Variants in KLHL18 observed in about 807,000 individuals in gnomAD.
KLHL18 encodes kelch like family member 18, also known as kelch-like protein 18.
In KLHL18, 38 loss-of-function variants were observed where a neutral mutation model predicts 58.5. The observed-to-expected ratio is 0.65, with a 90% CI of 0.50 to 0.85. KLHL18 has a LOEUF of 0.85. KLHL18 is among the 40% of genes least tolerant of loss of function. The pLI is 0.00. For synonymous variants in KLHL18, 303 were observed against 301.9 expected, an observed-to-expected ratio of 1.00 and a Z score of -0.04; for missense variants, 624 against 778.4, an observed-to-expected ratio of 0.80 and a Z score of 2.36.
chr3:47,289,607 G>C (rs1702748462), intron 1 of KLHL18, among the ~76,000 whole-genome samples: 1 of 152,128 alleles, frequency 6.6e-6, no homozygotes, highest in African/African-American at 2.4e-5. Context: ...TAATTATAGA[G>C]CTAGAATAAT....
rs9836294 is a variant in KLHL18 at position 47,320,591 on chromosome 3, G to A, written c.260+808G>A. On this transcript the variant is annotated intron_variant, in intron 2 of 9. Coordinates refer to ENST00000232766, the MANE Select transcript of KLHL18 (RefSeq NM_025010.5). ...TAGATGATCAAAGTGCCCCAATACC[G>A]GAAGAGGATTTATATACCCATGGCA... 4.7e-3 allele frequency among the ~76,000 whole-genome samples: 713 copies of A among 152,186 alleles called. 7 individuals are homozygous for A. The highest frequency in any genetic ancestry group is 0.016 in the African/African-American group (647 of 41,492).
chr3:47,303,907 T>TG (rs1703079987), intron 1 of KLHL18, among the ~76,000 whole-genome samples: 1 of 151,798 alleles, frequency 6.6e-6, no homozygotes, highest in Admixed American at 6.6e-5. Context: ...TTTTTTTTTT[T>TG]TACAGAGATG....
At chr3:47,314,600 T>G (rs1703379281) in intron 1 of KLHL18, among the ~76,000 whole-genome samples, 1 of 152,174 alleles carries the variant, frequency 6.6e-6, no homozygotes, top group Admixed American at 6.5e-5. Context: ...CCCTGAGAGC[T>G]CGGATTACAG....
intron 1 of KLHL18, among the ~76,000 whole-genome samples, chr3:47,294,629 G>A (rs1702857711): frequency 6.6e-6 from 1 of 151,434 alleles, no homozygotes; most frequent in Non-Finnish European, 1.5e-5. Flanking sequence ...GGAAGGACAC[G>A]AGGTCAGAGA....
intron 3 of KLHL18, among the ~76,000 whole-genome samples, chr3:47,327,819 G>A (rs1703760927): frequency 6.6e-6 from 1 of 152,206 alleles, no homozygotes; most frequent in African/African-American, 2.4e-5. Flanking sequence ...TCCTTGATGG[G>A]TCAACTGCTA....
intron 3 of KLHL18, among the ~76,000 whole-genome samples, chr3:47,327,055 A>G (rs1044576287): frequency 6.6e-6 from 1 of 152,066 alleles, no homozygotes; most frequent in Non-Finnish European, 1.5e-5. Context: ...CCTGGCCAAC[A>G]TGGTGAAATG....
chr3:47,309,967 G>A (rs1221330345), intron 1 of KLHL18, among the ~76,000 whole-genome samples: 1 of 150,416 alleles, frequency 6.6e-6, no homozygotes, highest in Admixed American at 6.6e-5. Context: ...CTCGGCATCA[G>A]AGGGAGACCG....
In KLHL18 at chr3:47,322,727, C is replaced by A; in HGVS notation, c.401+19C>A. 6.5e-7 allele frequency: 1 copy of A among 1,542,536 alleles called. No homozygotes were observed. The highest frequency in any genetic ancestry group is 1.2e-5 in the South Asian group (1 of 80,028). ...GAGAACGGTGAGGTGATGTGGTGGG[C>A]CTGGTGGAGAACATGACTATTTCAT... On this transcript the variant is annotated intron_variant, in intron 3 of 9. Coordinates refer to ENST00000232766, the MANE Select transcript of KLHL18 (RefSeq NM_025010.5).
chr3:47,340,671 G>A lies in KLHL18; in HGVS notation c.1221G>A (p.Thr407=), dbSNP rs138603242. Residue 407 remains threonine (T), a synonymous_variant, in exon 8 of 10, where the codon ACG becomes ACA. Coordinates refer to ENST00000232766, the MANE Select transcript of KLHL18 (RefSeq NM_025010.5). ...CCGTGGAGACCTACTCACCTGAGACGGACAAGTAAGGACTCCAGCTCCCTT... is the reference window on the plus strand; with the variant it reads ...CCGTGGAGACCTACTCACCTGAGACAGACAAGTAAGGACTCCAGCTCCCTT... The part of the protein sequence containing the change: ...LSSVETYSPE[T]DKWTVVTSMS... The A allele has an allele frequency of 5.1e-4, 815 of 1,613,862 alleles. 4 individuals carry two copies. The East Asian group carries it at 0.016, about 33-fold the overall frequency.
intron 8 of KLHL18, 147 bp from the exon 9 acceptor site, chr3:47,342,572 A>G: frequency 1.5e-6 from 1 of 646,120 alleles, no homozygotes; most frequent in Non-Finnish European, 2.7e-6. Context: ...GGCGGCAGCC[A>G]GGGAGAACTG....
At chr3:47,332,841 G>A (rs1225741101) in intron 4 of KLHL18, among the ~76,000 whole-genome samples, 1 of 152,084 alleles carries the variant, frequency 6.6e-6, no homozygotes, top group Non-Finnish European at 1.5e-5. Context: ...TACAGAGAGG[G>A]TGATGGAGGG....
At position 47,340,558 on chromosome 3, in the gene KLHL18, T is replaced by G; in HGVS notation, c.1122-14T>G. 1.2e-6 allele frequency: 2 copies of G among 1,613,974 alleles called. No homozygotes were observed. Among genetic ancestry groups the G allele is most frequent in the South Asian group, 2.2e-5 (2 of 91,068 alleles). On this transcript the variant is annotated splice_polypyrimidine_tract_variant and intron_variant, in intron 7 of 9. Transcript: ENST00000232766. ...GCTGCGGCTCATCTGGGATGACAGC[T>G]CTGTCTGTTTCAGTGCCATGGGGAC...
At chr3:47,328,939 G>A (rs1212705450) in intron 3 of KLHL18, among the ~76,000 whole-genome samples, 1 of 151,876 alleles carries the variant, frequency 6.6e-6, no homozygotes, top group Admixed American at 6.6e-5. Context: ...AAACCTGCCT[G>A]GACAACATGG....
chr3:47,344,150 A>G lies in KLHL18; in HGVS notation c.*209A>G. On this transcript the variant is annotated 3_prime_UTR_variant, in exon 10 of 10. Transcript: ENST00000232766. ...GGGTCATCAAGATGCACAGCATGGA[A>G]CACAAGCTCCTCTGGATCCTGCAGC... 1.7e-6 allele frequency: 1 copy of G among 595,802 alleles called. No homozygotes were observed. Among genetic ancestry groups the G allele is most frequent in the Non-Finnish European group, 2.9e-6 (1 of 343,324 alleles). 36.9% of individuals were successfully genotyped at this position (595,802 alleles called of 1,614,324 possible). A position where few individuals can be genotyped will look rare whatever the true frequency, so the allele number is the denominator to read the frequency against.
chr3:47,284,168 C>A (rs143123103), intron 1 of KLHL18, among the ~76,000 whole-genome samples: 1 of 151,946 alleles, frequency 6.6e-6, no homozygotes, highest in East Asian at 1.9e-4. Context: ...GGAGGTCAAG[C>A]CTGCAGTGAG....
intron 5 of KLHL18, 37 bp downstream of exon 5, chr3:47,333,354 G>T: frequency 6.3e-7 from 1 of 1,593,444 alleles, no homozygotes; most frequent in South Asian, 1.1e-5. Context: ...CACTGCCAAA[G>T]GTCTAAGCAG....
intron 3 of KLHL18, among the ~76,000 whole-genome samples, chr3:47,326,824 G>A (rs1475775864): frequency 6.6e-6 from 1 of 152,048 alleles, no homozygotes; most frequent in Non-Finnish European, 1.5e-5. Context: ...GGGAGGGTGA[G>A]GCAGGAGAAT....
At chr3:47,298,128 C>T (rs901595724) in intron 1 of KLHL18, among the ~76,000 whole-genome samples, 1 of 151,824 alleles carries the variant, frequency 6.6e-6, no homozygotes, top group Non-Finnish European at 1.5e-5. Context: ...ACCTATAATC[C>T]CAGCACTTTG....
Position 47,306,446 on chromosome 3 carries a change from GTTGTGTGTAGC to G in KLHL18, c.130-13204_130-13194del, listed in dbSNP as rs529112046. ...CCTGCCCTTGGGGATTTTACATTGT[GTTGTGTGTAGC>G]TTTTAATTCATTCATTTTCACTGAT... On this transcript the variant is annotated intron_variant, in intron 1 of 9. Transcript: ENST00000232766. Among the ~76,000 whole-genome samples the G allele has an allele frequency of 5.9e-5, 9 of 152,262 alleles. No individual in the cohort carries two copies. The East Asian group carries it at 1.7e-3, about 29-fold the overall frequency.
Sources: gnomAD v4.1 joint callset for allele counts (sites outside exome capture counted in the v4.1 genomes callset) on GRCh38, gnomAD v4.1.1 for gene constraint, MANE v1.5 for transcripts, NCBI Gene and HGNC (gene_info 2026-07-23, HGNC 2026-07-21) for gene names.